The following FMNL2 variants were observed in gnomAD, a reference collection of about 807,000 sequenced individuals.
The protein encoded by FMNL2 is formin like 2.
Under a neutral mutation model 130.2 loss-of-function variants are expected in FMNL2, and 51 were observed. The observed-to-expected ratio is 0.39, with a 90% confidence interval of 0.31 to 0.49. The LOEUF is 0.49. FMNL2 is among the 20% of genes least tolerant of loss of function. FMNL2 has a pLI of 0.85. For synonymous variants in FMNL2, 465 were observed against 467.1 expected, an observed-to-expected ratio of 1.00 and a Z score of 0.06; for missense variants, 977 against 1,316.2, an observed-to-expected ratio of 0.74 and a Z score of 3.99.
chr2:152,598,646 C>T (rs60131947), intron 9 of FMNL2, among the ~76,000 whole-genome samples: 22,278 of 152,152 alleles, frequency 0.15, 1,987 homozygotes, highest in African/African-American at 0.25. Flanking sequence ...GCCAAGATTG[C>T]GCCACTGCAC....
chr2:152,620,890 AG>A lies in FMNL2; in HGVS notation c.1837+1173del, dbSNP rs989534692. 8.3e-5 allele frequency: 81 copies of A among 970,762 alleles called. No homozygotes were observed. The African/African-American group carries it at 1.4e-3, about 17-fold the overall frequency. 60.1% of individuals were successfully genotyped at this position (970,762 alleles called of 1,614,324 possible). On this transcript the variant is annotated intron_variant, in intron 15 of 25. Coordinates refer to ENST00000288670, the MANE Select transcript of FMNL2 (RefSeq NM_052905.4). ...TCAGGGAAACAAGATTCCAGTTCACAGTAAGGTCCACAGTAAATCGGTGACT... is the reference window on the plus strand; with the variant it reads ...TCAGGGAAACAAGATTCCAGTTCACATAAGGTCCACAGTAAATCGGTGACT...
chr2:152,566,524 T>C (rs1452976097), intron 6 of FMNL2, among the ~76,000 whole-genome samples: 1 of 152,086 alleles, frequency 6.6e-6, no homozygotes, highest in African/African-American at 2.4e-5. Flanking sequence ...TTATCAAGGA[T>C]TGGAAAAAAC....
intron 1 of FMNL2, among the ~76,000 whole-genome samples, chr2:152,358,135 A>G (rs778759898): frequency 1.9e-4 from 29 of 151,880 alleles, no homozygotes; most frequent in Non-Finnish European, 3.1e-4. Flanking sequence ...CTTGTGCCCA[A>G]TGCTTCCTGC....
intron 1 of FMNL2, among the ~76,000 whole-genome samples, chr2:152,453,512 C>T (rs1249917218): frequency 3.9e-5 from 6 of 152,130 alleles, no homozygotes; most frequent in African/African-American, 1.4e-4. Flanking sequence ...TGTTTTGTCC[C>T]CTTCCTCCCC....
At chr2:152,336,063 T>G (rs1579416165) in intron 1 of FMNL2, among the ~76,000 whole-genome samples, 2 of 145,296 alleles carry the variant, frequency 1.4e-5, no homozygotes, top group Non-Finnish European at 1.5e-5. Context: ...GAGGAGGAGG[T>G]GGCGAGCCGC....
At chr2:152,594,631 G>C (rs910746816) in intron 9 of FMNL2, among the ~76,000 whole-genome samples, 1 of 152,232 alleles carries the variant, frequency 6.6e-6, no homozygotes, top group Non-Finnish European at 1.5e-5. Flanking sequence ...GGACTTGTCT[G>C]TGGAAGAAGC....
intron 1 of FMNL2, among the ~76,000 whole-genome samples, chr2:152,425,479 G>T (rs559075721): frequency 6.6e-6 from 1 of 152,204 alleles, no homozygotes; most frequent in East Asian, 1.9e-4. Context: ...ATCTTTTTCT[G>T]ACAATTCTGT....
At chr2:152,538,249 C>T (rs988001631) in intron 2 of FMNL2, among the ~76,000 whole-genome samples, 1 of 150,008 alleles carries the variant, frequency 6.7e-6, no homozygotes, top group Non-Finnish European at 1.5e-5. Flanking sequence ...GATTAAAATT[C>T]ATTATCTGGA....
At chr2:152,406,364 T>C (rs912555842) in intron 1 of FMNL2, among the ~76,000 whole-genome samples, 2 of 151,300 alleles carry the variant, frequency 1.3e-5, no homozygotes, top group African/African-American at 4.9e-5. Flanking sequence ...ATTAGCACTC[T>C]GTTAGGTTAC....
rs545553838 is a variant in FMNL2, at chr2:152,346,087, C to T, written c.117+10367C>T. Among the ~76,000 whole-genome samples the T allele has an allele frequency of 5.9e-5, 9 of 152,096 alleles. No homozygotes were observed. The South Asian group carries it at 1.9e-3, about 32-fold the overall frequency. ...TTGCCCACGCTGGAGTGCAGTGGCA[C>T]AATCTTGGCTCACTGCAACCTCCAC... On this transcript the variant is annotated intron_variant, in intron 1 of 25. Transcript: ENST00000288670.
At chr2:152,631,967 C>CT (rs1682201100) in intron 20 of FMNL2, 41 bp from the exon 21 acceptor site, 1 of 1,586,560 alleles carries the variant, frequency 6.3e-7, no homozygotes, top group South Asian at 1.2e-5. Context: ...TCTTGTTACC[C>CT]TTTACTCTTG....
At chr2:152,521,915 C>A in intron 1 of FMNL2, 28 bp from the exon 2 acceptor site, 3 of 1,581,148 alleles carry the variant, frequency 1.9e-6, no homozygotes, top group African/African-American at 1.3e-5. Flanking sequence ...AATGTGACAT[C>A]TTTTCTCTCT....
chr2:152,424,290 C>T (rs1486478317), intron 1 of FMNL2, among the ~76,000 whole-genome samples: 4 of 146,654 alleles, frequency 2.7e-5, no homozygotes, highest in Non-Finnish European at 4.6e-5. Flanking sequence ...AACGGATTAG[C>T]GCGTTTTGGT....
At chr2:152,542,378 A>AGG (rs1323224083) in intron 2 of FMNL2, among the ~76,000 whole-genome samples, 4 of 152,238 alleles carry the variant, frequency 2.6e-5, no homozygotes, top group African/African-American at 4.8e-5. Context: ...GACCTGCTGA[A>AGG]GGAGGACCTG....
At position 152,560,938 on chromosome 2, in the gene FMNL2, C is replaced by T; in HGVS notation, c.499C>T (p.Pro167Ser). Residue 167 changes from proline to serine, a missense_variant, in exon 6 of 26, where the codon CCC (proline) becomes TCC (serine). This residue lies in a region of FMNL2 where 689 missense variants were observed against 995.9 expected (regional missense o/e 0.69). Coordinates refer to ENST00000288670, the MANE Select transcript of FMNL2 (RefSeq NM_052905.4). Reference sequence around the variant, plus strand: ...GGAGAGCTCGGTGGACAAATCAAAGCCCTGGAGTAGGTCCATCGAGGACCT... The same window carrying T: ...GGAGAGCTCGGTGGACAAATCAAAGTCCTGGAGTAGGTCCATCGAGGACCT... ...TVESSVDKSK[P>S]WSRSIEDLHR... The T allele has an allele frequency of 7.3e-7, 1 of 1,378,442 alleles. No homozygotes were observed. The highest frequency in any genetic ancestry group is 9.4e-7 in the Non-Finnish European group (1 of 1,061,212). 85.4% of individuals were successfully genotyped at this position (1,378,442 alleles called of 1,614,324 possible). A position where few individuals can be genotyped will look rare whatever the true frequency, so the allele number is the denominator to read the frequency against.
intron 9 of FMNL2, among the ~76,000 whole-genome samples, chr2:152,596,068 T>G (rs1406588898): frequency 6.6e-6 from 1 of 151,858 alleles, no homozygotes; most frequent in Non-Finnish European, 1.5e-5. Context: ...GTTTAAGCGA[T>G]TCTCCCGCCT....
intron 1 of FMNL2, among the ~76,000 whole-genome samples, chr2:152,456,111 T>C (rs189832315): frequency 6.6e-6 from 1 of 152,346 alleles, no homozygotes; most frequent in African/African-American, 2.4e-5. Flanking sequence ...ATTAGATAAA[T>C]GCTAGAAGGG....
In FMNL2 at chr2:152,383,533, G is replaced by A. The variant is rs1010204946; in HGVS notation, c.117+47813G>A. Among the ~76,000 whole-genome samples, 8 of 151,862 alleles carry A rather than the reference G, an allele frequency of 5.3e-5. No individual in the cohort carries two copies. In the East Asian group the frequency reaches 5.8e-4, roughly 11 times the overall value. ...GATGATAGTTTGAACACAGGAGTTCGAGACCAGCCTGGGCAACATAATAAG... is the reference window on the plus strand; with the variant it reads ...GATGATAGTTTGAACACAGGAGTTCAAGACCAGCCTGGGCAACATAATAAG... On this transcript the variant is annotated intron_variant, in intron 1 of 25. Coordinates refer to ENST00000288670, the MANE Select transcript of FMNL2 (RefSeq NM_052905.4).
intron 1 of FMNL2, among the ~76,000 whole-genome samples, chr2:152,360,972 A>G (rs1326778907): frequency 6.6e-6 from 1 of 152,192 alleles, no homozygotes; most frequent in Admixed American, 6.5e-5. Flanking sequence ...TATTCCTTGT[A>G]GTAATTGCTA....
Sources: gnomAD v4.1 joint callset for allele counts (sites outside exome capture counted in the v4.1 genomes callset) on GRCh38, gnomAD v4.1.1 for gene constraint, gnomAD v4.1.1 regional missense constraint, MANE v1.5 for transcripts, NCBI Gene and HGNC (gene_info 2026-07-23, HGNC 2026-07-21) for gene names.